The following DROSHA variants were observed in gnomAD, a reference collection of about 807,000 sequenced individuals.
The protein encoded by DROSHA is ribonuclease 3.
A neutral mutation model predicts 181.9 loss-of-function variants in DROSHA; 56 were observed. The observed-to-expected ratio is 0.31, with a 90% confidence interval of 0.25 to 0.38. The LOEUF is 0.38. Among genes scored for constraint, DROSHA ranks in the 10% least tolerant of loss-of-function variants. The pLI is 1.00. For synonymous variants in DROSHA, 524 were observed against 591.2 expected (o/e 0.89, Z 1.65); for missense variants, 1,218 against 1,743.5 (o/e 0.70, Z 5.37).
At chr5:31,474,943 G>A (rs1750195840) in intron 16 of DROSHA, among the ~76,000 whole-genome samples, 1 of 152,176 alleles carries the variant, frequency 6.6e-6, no homozygotes, top group Non-Finnish European at 1.5e-5. Context: ...TGTTGTCTAA[G>A]CCACCAATCT....
At chr5:31,519,851 T>G (rs1268456110) in intron 6 of DROSHA, among the ~76,000 whole-genome samples, 2 of 152,242 alleles carry the variant, frequency 1.3e-5, no homozygotes, top group African/African-American at 4.8e-5. Flanking sequence ...TATTAACTTT[T>G]CTATCCATGC....
intron 29 of DROSHA, among the ~76,000 whole-genome samples, chr5:31,422,026 G>A (rs1742799166): frequency 6.9e-6 from 1 of 145,464 alleles, no homozygotes; most frequent in South Asian, 2.3e-4. Context: ...TGAAGGTCAA[G>A]GGCTGCAGTG....
rs2150056825 is a variant in DROSHA, at chr5:31,514,917, C to T, written c.1290+71G>A. On this transcript the variant is annotated intron_variant, in intron 8 of 35. Transcript: ENST00000344624. The surrounding 1 kb of genome is among the most constrained non-coding windows in gnomAD (Gnocchi z 4.4). ...CAGTCCCCACAATCAAGAATTTATC[C>T]AGCCCCAAAGGCCAATAGTGACAAC... 7 of 1,430,710 alleles carry T rather than the reference C, an allele frequency of 4.9e-6. No individual in the cohort carries two copies. The highest frequency in any genetic ancestry group is 6.7e-6 in the Non-Finnish European group (7 of 1,038,962). 88.6% of individuals were successfully genotyped at this position (1,430,710 alleles called of 1,614,324 possible).
Position 31,511,135 on chromosome 5 carries a change from T to A in DROSHA, c.1332A>T (p.Leu444Phe). The A allele has an allele frequency of 6.2e-7, 1 of 1,613,902 alleles. No homozygotes were observed. Among genetic ancestry groups the A allele is most frequent in the Non-Finnish European group, 8.5e-7 (1 of 1,179,852 alleles). Residue 444 changes from leucine to phenylalanine, a missense_variant, in exon 9 of 36, where the codon TTA (leucine) becomes TTT (phenylalanine). Transcript: ENST00000344624. Reference protein sequence around the residue: ...TVVGTSRLRDLYDKFEEELGS... With the variant: ...TVVGTSRLRDFYDKFEEELGS... ...CCAACTCCTCCTCAAATTTGTCATA[T>A]AAGTCACGAAGCCTACTCGTTCCAA...
chr5:31,417,204 A>G (rs113070876), intron 30 of DROSHA, among the ~76,000 whole-genome samples: 58 of 152,280 alleles, frequency 3.8e-4, no homozygotes, highest in African/African-American at 1.4e-3. Flanking sequence ...TACCAGGAGA[A>G]CAATACTGCA....
At chr5:31,510,943 C>A in intron 9 of DROSHA, 92 bp downstream of exon 9, 1 of 1,455,752 alleles carries the variant, frequency 6.9e-7, no homozygotes, top group South Asian at 1.3e-5. Context: ...AAGAAGAAAT[C>A]TCAATGTGGG....
At chr5:31,426,492 G>A (rs944059168) in intron 27 of DROSHA, among the ~76,000 whole-genome samples, 1 of 152,158 alleles carries the variant, frequency 6.6e-6, no homozygotes, top group Non-Finnish European at 1.5e-5. Context: ...ATACATATAA[G>A]TGTTAGGAAA....
At chr5:31,405,648 C>T (rs1164403546) in intron 35 of DROSHA, 29 bp downstream of exon 35, 3 of 1,528,488 alleles carry the variant, frequency 2.0e-6, no homozygotes, top group Middle Eastern at 1.7e-4. Context: ...ACATTATGAA[C>T]ATAATTATAG....
chr5:31,443,000 A>G (rs900406171), intron 23 of DROSHA, among the ~76,000 whole-genome samples: 2 of 151,820 alleles, frequency 1.3e-5, no homozygotes, highest in Non-Finnish European at 2.9e-5. Context: ...AAATATAGAG[A>G]CATTAACAAA....
intron 16 of DROSHA, among the ~76,000 whole-genome samples, chr5:31,478,265 AC>A (rs1316073630): frequency 6.6e-6 from 1 of 152,236 alleles, no homozygotes; most frequent in African/African-American, 2.4e-5. Context: ...CTTGGGCCAC[AC>A]ATAAAATACA....
intron 12 of DROSHA, among the ~76,000 whole-genome samples, chr5:31,493,936 ATTGTGTGTGTGTGTGTGTGTGTGT>A (rs1752669477): frequency 2.4e-5 from 3 of 127,634 alleles, no homozygotes; most frequent in African/African-American, 6.3e-5. Flanking sequence ...ATAACCCACC[ATTGTGTGTGTGTGTGTGTGTGTGT>A]GTGTGTGTGT....
In DROSHA at chr5:31,406,862, T is replaced by C. The variant is rs758568440; in HGVS notation, c.3938A>G (p.Lys1313Arg). 6.2e-7 allele frequency: 1 copy of C among 1,613,666 alleles called. No homozygotes were observed. Among genetic ancestry groups the C allele is most frequent in the Admixed American group, 1.7e-5 (1 of 60,012 alleles). Residue 1313 changes from lysine (K) to arginine (R), a missense_variant, in exon 34 of 36, where the codon AAA becomes AGA. Coordinates refer to ENST00000344624, the MANE Select transcript of DROSHA (RefSeq NM_001382508.1). ...YFKGERIGCG[K>R]GPSIQQAEMG... is the part of the protein sequence containing the mutation. The stretch of plus-strand genomic sequence containing the variant: ...TATTCTCTTCTCATACCTTGGTCCT[T>C]TCCCACAGCCTATTCTTTCTCCCTT...
chr5:31,512,026 C>T (rs992558928), intron 8 of DROSHA, among the ~76,000 whole-genome samples: 1 of 151,934 alleles, frequency 6.6e-6, no homozygotes, highest in Non-Finnish European at 1.5e-5. Context: ...ACCACAAACA[C>T]GGGACTCTGC....
At chr5:31,419,886 TGTTTATA>T (rs1742460364) in intron 30 of DROSHA, among the ~76,000 whole-genome samples, 1 of 152,152 alleles carries the variant, frequency 6.6e-6, no homozygotes. Context: ...TTCTCAAAAA[TGTTTATA>T]GTTTATGAAT....
At chr5:31,477,855 T>C (rs544488104) in intron 16 of DROSHA, among the ~76,000 whole-genome samples, 1 of 152,240 alleles carries the variant, frequency 6.6e-6, no homozygotes, top group East Asian at 1.9e-4. Context: ...TGAGAAAAAA[T>C]TTTAAATCTC....
intron 23 of DROSHA, among the ~76,000 whole-genome samples, chr5:31,446,768 G>A (rs1032511210): frequency 1.4e-4 from 21 of 151,978 alleles, no homozygotes; most frequent in South Asian, 2.1e-4. Context: ...GGCCAGGCAC[G>A]GTGACTCAGG....
chr5:31,492,664 C>T (rs1219117037), intron 13 of DROSHA, among the ~76,000 whole-genome samples: 1 of 152,214 alleles, frequency 6.6e-6, no homozygotes, highest in African/African-American at 2.4e-5. Context: ...GATTTTGACT[C>T]ATGGATCAGG....
At chr5:31,450,753 A>G (rs1395295890) in intron 21 of DROSHA, among the ~76,000 whole-genome samples, 1 of 152,192 alleles carries the variant, frequency 6.6e-6, no homozygotes, top group Non-Finnish European at 1.5e-5. Flanking sequence ...GGTGACAGGT[A>G]AGCCCAGACT....
chr5:31,526,437 A>G lies in DROSHA; in HGVS notation c.496T>C (p.Tyr166His). 6.2e-7 allele frequency: 1 copy of G among 1,611,744 alleles called. No individual in the cohort carries two copies. Among genetic ancestry groups the G allele is most frequent in the Non-Finnish European group, 8.5e-7 (1 of 1,179,366 alleles). ...TGAGAATAGCCCGGAGGGTACTGAT[A>G]ATTAACCTGCTGCGGCATGACTGGA... The part of the protein sequence containing the change: ...PPPVMPQQVN[Y>H]QYPPGYSHHN... The change falls in exon 5 of 36, where the codon TAT becomes CAT. Residue 166 changes from tyrosine to histidine, a missense_variant. Transcript: ENST00000344624.
Sources: gnomAD v4.1 joint callset for allele counts (sites outside exome capture counted in the v4.1 genomes callset) on GRCh38, gnomAD v4.1.1 for gene constraint, Gnocchi (gnomAD v3.1) non-coding constraint, MANE v1.5 for transcripts, NCBI Gene and HGNC (gene_info 2026-07-23, HGNC 2026-07-21) for gene names.